The following ANOS1 variants were observed in gnomAD, a reference collection of about 807,000 sequenced individuals.
ANOS1 encodes anosmin 1, also known as anosmin-1.
Under a neutral mutation model 59.0 loss-of-function variants are expected in ANOS1, and 6 were observed. The observed-to-expected ratio is 0.10, with a 90% CI of 0.06 to 0.20. The LOEUF (loss-of-function observed/expected upper bound fraction) is 0.20, where lower values mean the gene tolerates loss of function less well. ANOS1 is among the 10% of genes least tolerant of loss of function. The pLI is 1.00. For synonymous variants in ANOS1, 217 were observed against 223.4 expected, an observed-to-expected ratio of 0.97 and a Z score of 0.25; for missense variants, 433 against 542.3, an observed-to-expected ratio of 0.80 and a Z score of 2.00.
intron 1 of ANOS1, among the ~76,000 whole-genome samples, chrX:8,718,404 G>A (rs1342128313): frequency 8.9e-6 from 1 of 111,961 alleles, no homozygotes; most frequent in Non-Finnish European, 1.9e-5. Flanking sequence ...AGAAAATGGG[G>A]AACAAAGTGC....
chrX:8,593,369 A>G (rs1443820506), intron 4 of ANOS1, among the ~76,000 whole-genome samples: 1 of 112,031 alleles, frequency 8.9e-6, no homozygotes, highest in Non-Finnish European at 1.9e-5. Flanking sequence ...AGCCCCTTGT[A>G]AAGGTAAACC....
intron 3 of ANOS1, among the ~76,000 whole-genome samples, chrX:8,615,788 C>T (rs957219570): frequency 1.8e-5 from 2 of 111,190 alleles, no homozygotes; most frequent in African/African-American, 6.5e-5. Flanking sequence ...AATTCTCATG[C>T]ATCTCCTGTC....
chrX:8,687,926 C>A (rs1294575052), intron 2 of ANOS1, among the ~76,000 whole-genome samples: 1 of 112,136 alleles, frequency 8.9e-6, no homozygotes, highest in African/African-American at 3.2e-5. Context: ...CCTACAATGA[C>A]TGCTCTTTCA....
chrX:8,554,542 GTTTTTTTT>G (rs757605733), intron 8 of ANOS1, among the ~76,000 whole-genome samples: 4 of 50,834 alleles, frequency 7.9e-5, no homozygotes, highest in Admixed American at 6.4e-4. Flanking sequence ...GGCTACAGGA[GTTTTTTTT>G]TTTTTTTTTT....
intron 1 of ANOS1, among the ~76,000 whole-genome samples, chrX:8,722,678 G>T (rs779963153): frequency 8.9e-6 from 1 of 111,799 alleles, no homozygotes; most frequent in Non-Finnish European, 1.9e-5. Flanking sequence ...TTGCAATTGC[G>T]TGTGCAAGTA....
Position 8,656,783 on chromosome X carries a change from C to T in ANOS1, c.256-33113G>A, listed in dbSNP as rs927887171. Among the ~76,000 whole-genome samples the T allele has an allele frequency of 1.4e-4, 16 of 111,128 alleles. 1 individual carries two copies. The highest frequency in any genetic ancestry group is 4.9e-4 in the African/African-American group (15 of 30,490). The stretch of plus-strand genomic sequence containing the variant: ...CTCCCGATGTGAGGCTCTTGGCGTT[C>T]ACCCTCAGATGACCATATGTTCCCC... On this transcript the variant is annotated intron_variant, in intron 2 of 13. Coordinates refer to ENST00000262648, the MANE Select transcript of ANOS1 (RefSeq NM_000216.4).
intron 2 of ANOS1, among the ~76,000 whole-genome samples, chrX:8,688,566 T>C (rs1245909688): frequency 8.9e-6 from 1 of 112,277 alleles, no homozygotes; most frequent in East Asian, 2.8e-4. Flanking sequence ...AAGAAATTAA[T>C]CGTAAGAGAT....
intron 2 of ANOS1, among the ~76,000 whole-genome samples, chrX:8,667,374 T>G (rs933606908): frequency 9.0e-6 from 1 of 110,758 alleles, no homozygotes; most frequent in Non-Finnish European, 1.9e-5. Context: ...TTGGCCAGCA[T>G]GGACTCAAAC....
intron 2 of ANOS1, among the ~76,000 whole-genome samples, chrX:8,672,662 G>C (rs764041473): frequency 9.0e-6 from 1 of 111,405 alleles, no homozygotes; most frequent in Admixed American, 9.6e-5. Flanking sequence ...GACACCCTCC[G>C]CACTCTGCTC....
In ANOS1 at chrX:8,551,952, G is replaced by A. The variant is rs200566440; in HGVS notation, c.1354+2000C>T. On this transcript the variant is annotated intron_variant, in intron 9 of 13. Coordinates refer to ENST00000262648, the MANE Select transcript of ANOS1 (RefSeq NM_000216.4). ...CGTGCCACTGCACCCCAGACTGGGC[G>A]ACAGATCAAGACTGTGTCTCAACAA... Among the ~76,000 whole-genome samples the A allele has an allele frequency of 5.9e-4, 66 of 112,525 alleles. No homozygotes were observed. The East Asian group carries it at 0.017, about 29-fold the overall frequency.
rs1464078439 is a variant in ANOS1, at chrX:8,554,552, T to TG, written c.1208-455_1208-454insC. Among the ~76,000 whole-genome samples, 364 of 95,218 alleles carry TG rather than the reference T, an allele frequency of 3.8e-3. 3 individuals are homozygous for TG. The highest frequency in any genetic ancestry group is 0.014 in the African/African-American group (347 of 24,046). 82.7% of individuals were successfully genotyped at this position (95,218 alleles called of 115,157 possible). ...GAGCTGGCTACAGGAGTTTTTTTTTTTTTTTTTTTTTTTTTTTTGTTGTTG... is the reference window on the plus strand; with the variant it reads ...GAGCTGGCTACAGGAGTTTTTTTTTTGTTTTTTTTTTTTTTTTTTGTTGTTG... On this transcript the variant is annotated intron_variant, in intron 8 of 13. Coordinates refer to ENST00000262648, the MANE Select transcript of ANOS1 (RefSeq NM_000216.4).
chrX:8,619,969 T>C (rs1931260638), intron 3 of ANOS1, among the ~76,000 whole-genome samples: 1 of 111,989 alleles, frequency 8.9e-6, no homozygotes, highest in African/African-American at 3.2e-5. Context: ...CTCTTACTCT[T>C]TTGCCCAGTC....
intron 3 of ANOS1, 64 bp from the exon 4 acceptor site, chrX:8,597,320 C>A: frequency 1.0e-6 from 1 of 963,085 alleles, no homozygotes; most frequent in Non-Finnish European, 1.5e-6. Flanking sequence ...ATTTCCAAGA[C>A]ATCTGAAAGG....
chrX:8,694,425 T>A (rs1932653733), intron 2 of ANOS1, among the ~76,000 whole-genome samples: 1 of 112,542 alleles, frequency 8.9e-6, no homozygotes, highest in South Asian at 3.7e-4. Flanking sequence ...TCCCAGCACT[T>A]TGGGAGGCCA....
chrX:8,602,327 T>G (rs938728925), intron 3 of ANOS1, among the ~76,000 whole-genome samples: 2 of 111,906 alleles, frequency 1.8e-5, no homozygotes, highest in Non-Finnish European at 1.9e-5. Flanking sequence ...AAATGCTGTG[T>G]GAATATTAAT....
At chrX:8,640,064 C>T (rs906775802) in intron 2 of ANOS1, among the ~76,000 whole-genome samples, 18 of 110,922 alleles carry the variant, frequency 1.6e-4, no homozygotes, top group African/African-American at 5.6e-4. Context: ...TTTGTCCCTG[C>T]TGTTACTTTG....
At chrX:8,583,892 T>G (rs1930466026) in intron 6 of ANOS1, among the ~76,000 whole-genome samples, 1 of 111,795 alleles carries the variant, frequency 8.9e-6, no homozygotes, top group African/African-American at 3.2e-5. Flanking sequence ...CTTCCTACTT[T>G]CAGTTAGCAC....
chrX:8,569,486 C>CA (rs751382724), intron 7 of ANOS1, among the ~76,000 whole-genome samples: 3 of 110,921 alleles, frequency 2.7e-5, no homozygotes, highest in Non-Finnish European at 5.7e-5. Context: ...ACTAAAAATA[C>CA]AAAAAATTAG....
chrX:8,706,157 G>A (rs1932778679), intron 1 of ANOS1, among the ~76,000 whole-genome samples: 1 of 112,195 alleles, frequency 8.9e-6, no homozygotes, highest in Admixed American at 9.5e-5. Context: ...AAGATAAATG[G>A]AAACTAGTTC....
Sources: gnomAD v4.1 joint callset for allele counts (sites outside exome capture counted in the v4.1 genomes callset) on GRCh38, gnomAD v4.1.1 for gene constraint, MANE v1.5 for transcripts, NCBI Gene and HGNC (gene_info 2026-07-23, HGNC 2026-07-21) for gene names.